The following PDGFC variants were observed in gnomAD, a reference collection of about 807,000 sequenced individuals.
The protein encoded by PDGFC is platelet derived growth factor C.
In PDGFC, 12 loss-of-function variants were observed where a neutral mutation model predicts 35.5. That is an observed-to-expected ratio of 0.34 (90% CI 0.22 to 0.55). The LOEUF (loss-of-function observed/expected upper bound fraction) is 0.55, where lower values mean the gene tolerates loss of function less well. Ranked by LOEUF, PDGFC falls within the 20% of genes least tolerant of loss-of-function variation. The pLI is 0.91. For synonymous variants in PDGFC, 159 were observed against 148.8 expected (o/e 1.07, Z -0.50); for missense variants, 322 against 412.4 (o/e 0.78, Z 1.90).
intron 3 of PDGFC, among the ~76,000 whole-genome samples, chr4:156,789,976 CAAAAAAAAAAA>C (rs750843965): frequency 2.1e-4 from 12 of 55,934 alleles, no homozygotes; most frequent in African/African-American, 9.0e-4. Context: ...GTCTCCATCT[CAAAAAAAAAAA>C]AAAAAAAAAA....
intron 1 of PDGFC, among the ~76,000 whole-genome samples, chr4:156,952,043 C>T (rs1202340432): frequency 6.6e-6 from 1 of 151,784 alleles, no homozygotes; most frequent in African/African-American, 2.4e-5. Context: ...TTAATATGTA[C>T]ACTAAAACAA....
At chr4:156,868,223 A>G (rs1329429019) in intron 1 of PDGFC, among the ~76,000 whole-genome samples, 1 of 152,220 alleles carries the variant, frequency 6.6e-6, no homozygotes, top group Non-Finnish European at 1.5e-5. Flanking sequence ...ACAAATCTGA[A>G]AGTTTTAGTG....
chr4:156,857,022 A>G (rs1445234758), intron 1 of PDGFC, among the ~76,000 whole-genome samples: 1 of 151,698 alleles, frequency 6.6e-6, no homozygotes, highest in Non-Finnish European at 1.5e-5. Flanking sequence ...ACTGTAAAAT[A>G]TGATCTATTT....
chr4:156,773,143 C>T (rs1254269905), intron 3 of PDGFC, among the ~76,000 whole-genome samples: 1 of 152,122 alleles, frequency 6.6e-6, no homozygotes, highest in Non-Finnish European at 1.5e-5. Flanking sequence ...ATCTTTTGGT[C>T]ATATAAAAGA....
intron 1 of PDGFC, among the ~76,000 whole-genome samples, chr4:156,937,333 A>G (rs1280685399): frequency 6.6e-6 from 1 of 152,182 alleles, no homozygotes; most frequent in African/African-American, 2.4e-5. Flanking sequence ...CAAACCCAAT[A>G]TGAGGTATTT....
chr4:156,845,230 GC>G (rs1363863598), intron 2 of PDGFC, among the ~76,000 whole-genome samples: 1 of 151,510 alleles, frequency 6.6e-6, no homozygotes, highest in Admixed American at 6.6e-5. Flanking sequence ...AATTGGCAGG[GC>G]GCCTCTACAC....
At position 156,814,129 on chromosome 4, in the gene PDGFC, A is replaced by T. The variant is rs940786441; in HGVS notation, c.315-3112T>A. ...ATCTCTATCTACTTTCTATGATTTAAAAAAAAAATCCAGATTATCTTCATT... is the reference window on the plus strand; with the variant it reads ...ATCTCTATCTACTTTCTATGATTTATAAAAAAAATCCAGATTATCTTCATT... On this transcript the variant is annotated intron_variant, in intron 2 of 5. Coordinates refer to ENST00000502773, the MANE Select transcript of PDGFC (RefSeq NM_016205.3). Among the ~76,000 whole-genome samples, 8 of 50,252 alleles carry T rather than the reference A, an allele frequency of 1.6e-4. No individual in the cohort carries two copies. In the South Asian group the frequency reaches 4.3e-3, roughly 27 times the overall value. 33.0% of individuals were successfully genotyped at this position (50,252 alleles called of 152,430 possible).
intron 1 of PDGFC, among the ~76,000 whole-genome samples, chr4:156,934,271 T>C (rs766587486): frequency 6.6e-6 from 1 of 152,218 alleles, no homozygotes; most frequent in Admixed American, 6.5e-5. Flanking sequence ...ACTACAAACC[T>C]GTCAAGCATG....
chr4:156,888,177 G>A (rs982151721), intron 1 of PDGFC, among the ~76,000 whole-genome samples: 1 of 152,092 alleles, frequency 6.6e-6, no homozygotes. Context: ...CAACTGGAGA[G>A]TTAAGTAATA....
chr4:156,819,930 G>C (rs748893655), intron 2 of PDGFC, among the ~76,000 whole-genome samples: 32 of 152,140 alleles, frequency 2.1e-4, no homozygotes, highest in Non-Finnish European at 3.2e-4. Flanking sequence ...CAGGAGTTTG[G>C]AAGAAACTGG....
intron 1 of PDGFC, among the ~76,000 whole-genome samples, chr4:156,873,694 G>A (rs984383194): frequency 9.2e-5 from 14 of 152,116 alleles, no homozygotes; most frequent in African/African-American, 3.1e-4. Context: ...GTAATATAAT[G>A]GCTCGAAGGT....
intron 3 of PDGFC, chr4:156,778,097 C>A: frequency 4.5e-6 from 1 of 220,606 alleles, no homozygotes; most frequent in South Asian, 4.6e-5. Context: ...AAGTGAGACT[C>A]TGCCTCAAAA....
chr4:156,898,044 T>C (rs1246503801), intron 1 of PDGFC, among the ~76,000 whole-genome samples: 1 of 152,172 alleles, frequency 6.6e-6, no homozygotes, highest in African/African-American at 2.4e-5. Context: ...AACACGTATA[T>C]CTTGAGACCT....
In PDGFC at chr4:156,970,998, G is replaced by A. The variant is rs1284333762; in HGVS notation, c.-95C>T. 3 of 758,556 alleles carry A rather than the reference G, an allele frequency of 4.0e-6. No homozygotes were observed. The highest frequency in any genetic ancestry group is 2.3e-6 in the Non-Finnish European group (1 of 438,022). 47.0% of individuals were successfully genotyped at this position (758,556 alleles called of 1,614,324 possible). ...CCACCGCCAGGGGAAGGCTGCACTG[G>A]GGTGGAAGCGCCGAGCCTGCTCTGG... On this transcript the variant is annotated 5_prime_UTR_variant, in exon 1 of 6. Transcript: ENST00000502773.
intron 1 of PDGFC, among the ~76,000 whole-genome samples, chr4:156,851,802 G>C (rs970046022): frequency 6.6e-6 from 1 of 151,580 alleles, no homozygotes; most frequent in Non-Finnish European, 1.5e-5. Context: ...GCAGGGGCGG[G>C]CGCCTGTAGT....
chr4:156,858,479 C>T (rs565082730), intron 1 of PDGFC, among the ~76,000 whole-genome samples: 38 of 152,052 alleles, frequency 2.5e-4, no homozygotes, highest in African/African-American at 9.2e-4. Context: ...TTGCACACCC[C>T]ACTTAGTGAA....
chr4:156,837,877 A>G (rs1729099539), intron 2 of PDGFC, among the ~76,000 whole-genome samples: 1 of 152,314 alleles, frequency 6.6e-6, no homozygotes, highest in Admixed American at 6.5e-5. Flanking sequence ...AACATTTCAA[A>G]ATATAAAACC....
chr4:156,916,178 A>G (rs1166104161), intron 1 of PDGFC, among the ~76,000 whole-genome samples: 1 of 152,102 alleles, frequency 6.6e-6, no homozygotes, highest in African/African-American at 2.4e-5. Flanking sequence ...AGGGGTTCTT[A>G]CCCCAAGGCA....
rs185079568 is a variant in PDGFC at position 156,917,120 on chromosome 4, C to T, written c.118+53666G>A. On this transcript the variant is annotated intron_variant, in intron 1 of 5. Coordinates refer to ENST00000502773, the MANE Select transcript of PDGFC (RefSeq NM_016205.3). ...GAAAACTCCAGGAAGTTTTCATGACCATAAAACCAACCTATGGTATGGGCC... is the reference window on the plus strand; with the variant it reads ...GAAAACTCCAGGAAGTTTTCATGACTATAAAACCAACCTATGGTATGGGCC... 2.0e-5 allele frequency among the ~76,000 whole-genome samples: 3 copies of T among 152,272 alleles called. No individual in the cohort carries two copies. The East Asian group carries it at 5.8e-4, about 29-fold the overall frequency.
Sources: gnomAD v4.1 joint callset for allele counts (sites outside exome capture counted in the v4.1 genomes callset) on GRCh38, gnomAD v4.1.1 for gene constraint, MANE v1.5 for transcripts, NCBI Gene and HGNC (gene_info 2026-07-23, HGNC 2026-07-21) for gene names.